The following GABRA5 variants were observed in gnomAD, a reference collection of about 807,000 sequenced individuals.
GABRA5 encodes the protein gamma-aminobutyric acid receptor subunit alpha-5.
A neutral mutation model predicts 47.3 loss-of-function variants in GABRA5; 18 were observed. The ratio of observed to expected loss-of-function variants is 0.38; its 90% CI spans 0.26 to 0.56. The LOEUF (loss-of-function observed/expected upper bound fraction) is 0.56. Among genes scored for constraint, GABRA5 ranks in the 20% least tolerant of loss-of-function variants. GABRA5 has a pLI of 0.71. For missense variants in GABRA5, 365 were observed against 599.3 expected (o/e 0.61, Z 4.08); for synonymous variants, 237 against 229.3 (o/e 1.03, Z -0.30).
chr15:26,930,006 C>CTTTTTTTTTTTTTTT (rs72082419), intron 7 of GABRA5, among the ~76,000 whole-genome samples: 3 of 113,384 alleles, frequency 2.6e-5, no homozygotes, highest in East Asian at 3.0e-4. Flanking sequence ...TCTTCTTCTT[C>CTTTTTTTTTTTTTTT]TTTTTTTTTT....
At chr15:26,881,938 G>A (rs775984774) in intron 4 of GABRA5, among the ~76,000 whole-genome samples, 5 of 152,146 alleles carry the variant, frequency 3.3e-5, no homozygotes, top group Non-Finnish European at 7.4e-5. Context: ...GACCGCAGGC[G>A]ATCCACCCAC....
chr15:26,873,127 A>G (rs1439223631), intron 3 of GABRA5, among the ~76,000 whole-genome samples: 2 of 152,210 alleles, frequency 1.3e-5, no homozygotes, highest in Non-Finnish European at 2.9e-5. Context: ...GAAGTACTAT[A>G]TTTATTTTAG....
At chr15:26,896,376 T>C (rs765153547) in intron 6 of GABRA5, among the ~76,000 whole-genome samples, 8 of 152,206 alleles carry the variant, frequency 5.3e-5, no homozygotes, top group African/African-American at 4.8e-5. Context: ...CCTCATGGTC[T>C]GTGTCAGTCT....
intron 4 of GABRA5, among the ~76,000 whole-genome samples, 194 bp from the exon 5 acceptor site, chr15:26,882,972 G>A (rs923639029): frequency 2.0e-5 from 3 of 152,180 alleles, no homozygotes; most frequent in Non-Finnish European, 4.4e-5. Context: ...TGTATGATGG[G>A]AATTTCATTT....
At chr15:26,937,085 G>A (rs1566886346) in intron 7 of GABRA5, 100 bp from the exon 8 acceptor site, 10 of 1,439,272 alleles carry the variant, frequency 6.9e-6, no homozygotes, top group Admixed American at 3.4e-5. Flanking sequence ...CTTTTCAAAC[G>A]TTCTCATCCT....
At chr15:26,915,680 A>G (rs1392245417) in intron 7 of GABRA5, among the ~76,000 whole-genome samples, 1 of 152,224 alleles carries the variant, frequency 6.6e-6, no homozygotes, top group Non-Finnish European at 1.5e-5. Flanking sequence ...AAACTGATCT[A>G]GTTTCCATCT....
chr15:26,886,897 G>T (rs1169814909), intron 6 of GABRA5, among the ~76,000 whole-genome samples: 1 of 152,176 alleles, frequency 6.6e-6, no homozygotes, highest in Non-Finnish European at 1.5e-5. Context: ...ATTTTAATGC[G>T]ATAGAGCTAT....
chr15:26,939,234 T>TGG (rs1894324255), intron 8 of GABRA5: 1 of 765,068 alleles, frequency 1.3e-6, no homozygotes, highest in Non-Finnish European at 2.4e-6. Flanking sequence ...CTCAGCTCCT[T>TGG]ACCAGTTCAC....
At chr15:26,913,187 A>G (rs1893640209) in intron 6 of GABRA5, among the ~76,000 whole-genome samples, 1 of 151,824 alleles carries the variant, frequency 6.6e-6, no homozygotes, top group South Asian at 2.1e-4. Flanking sequence ...TGTCTCAAAA[A>G]AAAAAAAAAA....
chr15:26,918,566 T>C (rs1214139897), intron 7 of GABRA5, among the ~76,000 whole-genome samples: 2 of 152,196 alleles, frequency 1.3e-5, no homozygotes, highest in Non-Finnish European at 2.9e-5. Flanking sequence ...TCTACTACTA[T>C]TATTGCACTG....
chr15:26,877,372 G>A (rs1362482101), intron 3 of GABRA5, among the ~76,000 whole-genome samples: 1 of 152,166 alleles, frequency 6.6e-6, no homozygotes, highest in African/African-American at 2.4e-5. Context: ...GTGCCATTTA[G>A]AGGTACTCAT....
chr15:26,930,003 C>CTT (rs1203493810), intron 7 of GABRA5, among the ~76,000 whole-genome samples: 110 of 114,982 alleles, frequency 9.6e-4, no homozygotes, highest in African/African-American at 3.5e-3. Context: ...TCTTCTTCTT[C>CTT]TTCTTTTTTT....
chr15:26,907,181 C>T (rs998845571), intron 6 of GABRA5, among the ~76,000 whole-genome samples: 15 of 152,118 alleles, frequency 9.9e-5, no homozygotes, highest in Non-Finnish European at 1.9e-4. Context: ...TAATTTGGAT[C>T]TATTTTTAAA....
chr15:26,934,032 C>T (rs78910869), intron 7 of GABRA5, among the ~76,000 whole-genome samples: 2,231 of 152,012 alleles, frequency 0.015, 41 homozygotes, highest in African/African-American at 0.051. Context: ...GCGGGTGTAT[C>T]GCTTGAGGCC....
chr15:26,924,175 T>TTTTTTA (rs1893903297), intron 7 of GABRA5, among the ~76,000 whole-genome samples: 2 of 136,696 alleles, frequency 1.5e-5, no homozygotes, highest in Non-Finnish European at 1.6e-5. Flanking sequence ...TTTTTTTTTT[T>TTTTTTA]CTCACTGCTT....
At chr15:26,930,013 T>TTTTTTTTTTTG (rs1894058944) in intron 7 of GABRA5, among the ~76,000 whole-genome samples, 2 of 149,802 alleles carry the variant, frequency 1.3e-5, no homozygotes, top group East Asian at 4.0e-4. Flanking sequence ...CTTCTTTTTT[T>TTTTTTTTTTTG]TTTTTTTTTG....
chr15:26,894,050 G>A (rs1033371972), intron 6 of GABRA5, among the ~76,000 whole-genome samples: 1 of 102,520 alleles, frequency 9.8e-6, no homozygotes, highest in Admixed American at 9.4e-5. Flanking sequence ...CTCTCCGCGC[G>A]CCCCCTGTGC....
intron 9 of GABRA5, among the ~76,000 whole-genome samples, chr15:26,941,151 C>G (rs2140590948): frequency 6.6e-6 from 1 of 152,280 alleles, no homozygotes; most frequent in South Asian, 2.1e-4. Context: ...ACTTACCAAG[C>G]CTGAGCGAGC....
At chr15:26,887,355 A>G (rs1056066243) in intron 6 of GABRA5, among the ~76,000 whole-genome samples, 3 of 152,068 alleles carry the variant, frequency 2.0e-5, no homozygotes, top group East Asian at 1.9e-4. Flanking sequence ...TTTGAGAAAG[A>G]GTTTTGCTCT....
Sources: gnomAD v4.1 joint callset for allele counts (sites outside exome capture counted in the v4.1 genomes callset) on GRCh38, gnomAD v4.1.1 for gene constraint, MANE v1.5 for transcripts, NCBI Gene and HGNC (gene_info 2026-07-23, HGNC 2026-07-21) for gene names.